Variants in SUGCT observed in about 807,000 individuals in gnomAD.
The protein encoded by SUGCT is succinyl-CoA:glutarate-CoA transferase, also known as succinyl-CoA:glutarate CoA-transferase.
In SUGCT, 41 loss-of-function variants were observed where a neutral mutation model predicts 55.0. The ratio of observed to expected loss-of-function variants is 0.74; its 90% CI spans 0.58 to 0.97. The LOEUF (loss-of-function observed/expected upper bound fraction) is 0.97, where lower values mean the gene tolerates loss of function less well. Ranked by LOEUF, SUGCT falls within the 50% of genes least tolerant of loss-of-function variation. The pLI, the probability that SUGCT is intolerant of heterozygous loss-of-function variation, is 0.00. For missense variants in SUGCT, 568 were observed against 547.8 expected, an observed-to-expected ratio of 1.04 and a Z score of -0.37; for synonymous variants, 187 against 200.4, an observed-to-expected ratio of 0.93 and a Z score of 0.56.
chr7:40,654,262 A>AG (rs1491518131), intron 12 of SUGCT, among the ~76,000 whole-genome samples: 1 of 151,604 alleles, frequency 6.6e-6, no homozygotes, highest in African/African-American at 2.4e-5. Flanking sequence ...AGAAGAGCTC[A>AG]GGGGAAAAAA....
intron 12 of SUGCT, among the ~76,000 whole-genome samples, chr7:40,646,093 C>T (rs1800493474): frequency 6.6e-6 from 1 of 152,172 alleles, no homozygotes; most frequent in South Asian, 2.1e-4. Flanking sequence ...TGAATGACCC[C>T]ACCAGCCAGC....
chr7:40,272,540 T>C (rs1792140194), intron 7 of SUGCT, among the ~76,000 whole-genome samples: 1 of 151,734 alleles, frequency 6.6e-6, no homozygotes, highest in South Asian at 2.1e-4. Context: ...TCCGCTGTTG[T>C]CAATAGTGCT....
At chr7:40,867,016 T>C in the SUGCT span, among the ~76,000 whole-genome samples, 10 of 151,820 alleles carry the variant, frequency 6.6e-5, no homozygotes, top group Non-Finnish European at 1.0e-4. Flanking sequence ...TAGGCCCAGA[T>C]GGGGGGAGAA....
chr7:40,551,447 C>G (rs1424085435), intron 12 of SUGCT, among the ~76,000 whole-genome samples: 1 of 152,190 alleles, frequency 6.6e-6, no homozygotes, highest in African/African-American at 2.4e-5. Flanking sequence ...TTTAAGCTGT[C>G]TTTCAAAGTT....
At chr7:40,564,668 A>T (rs1366344585) in intron 12 of SUGCT, among the ~76,000 whole-genome samples, 2 of 152,314 alleles carry the variant, frequency 1.3e-5, no homozygotes, top group East Asian at 3.9e-4. Context: ...TAACCTAGAA[A>T]GGGCTGAATA....
At chr7:40,534,617 G>C (rs112061697) in intron 12 of SUGCT, among the ~76,000 whole-genome samples, 1 of 152,026 alleles carries the variant, frequency 6.6e-6, no homozygotes, top group African/African-American at 2.4e-5. Context: ...CGGGGTTTCG[G>C]CATGTTGGCC....
the SUGCT span, among the ~76,000 whole-genome samples, chr7:40,885,014 A>T: frequency 6.6e-6 from 1 of 152,148 alleles, no homozygotes; most frequent in African/African-American, 2.4e-5. Context: ...ATTATTAAAG[A>T]TAATAATTCC....
intron 11 of SUGCT, among the ~76,000 whole-genome samples, chr7:40,476,411 C>T (rs982883515): frequency 2.0e-5 from 3 of 151,664 alleles, no homozygotes; most frequent in African/African-American, 7.3e-5. Flanking sequence ...ATTTGGAAAC[C>T]GTTGAGGAAA....
chr7:40,308,939 G>A (rs943141518), intron 8 of SUGCT, among the ~76,000 whole-genome samples: 1 of 152,176 alleles, frequency 6.6e-6, no homozygotes, highest in African/African-American at 2.4e-5. Context: ...GAACTTGGTA[G>A]GTGGAGGTTG....
At chr7:40,843,074 A>G (rs1002186181) in intron 13 of SUGCT, among the ~76,000 whole-genome samples, 4 of 152,246 alleles carry the variant, frequency 2.6e-5, no homozygotes, top group Admixed American at 2.6e-4. Flanking sequence ...AAATACAAAG[A>G]TCTCTACCAT....
At chr7:40,531,504 C>T (rs185148749) in intron 12 of SUGCT, among the ~76,000 whole-genome samples, 1 of 151,576 alleles carries the variant, frequency 6.6e-6, no homozygotes, top group Admixed American at 6.6e-5. Context: ...GTTGGAATTG[C>T]CTAATAGTAG....
intron 9 of SUGCT, among the ~76,000 whole-genome samples, chr7:40,402,697 A>G (rs541448277): frequency 6.6e-6 from 1 of 152,088 alleles, no homozygotes; most frequent in African/African-American, 2.4e-5. Context: ...AATAAGAGCT[A>G]TATTAAATGG....
the SUGCT span, among the ~76,000 whole-genome samples, chr7:41,027,193 G>T: frequency 7.2e-4 from 110 of 152,294 alleles, no homozygotes; most frequent in Non-Finnish European, 1.4e-3. Context: ...GGCCTTAATG[G>T]CTGGTCCTCT....
At chr7:40,798,429 T>C (rs999974818) in intron 13 of SUGCT, among the ~76,000 whole-genome samples, 10 of 152,194 alleles carry the variant, frequency 6.6e-5, no homozygotes, top group Non-Finnish European at 1.3e-4. Context: ...AGGGAAAATA[T>C]GTGTTTTGAA....
chr7:40,207,096 G>A (rs1448186534), intron 6 of SUGCT, among the ~76,000 whole-genome samples: 1 of 152,098 alleles, frequency 6.6e-6, no homozygotes, highest in Admixed American at 6.6e-5. Context: ...CTCCTTGGGA[G>A]GCTGACATAG....
intron 9 of SUGCT, among the ~76,000 whole-genome samples, chr7:40,381,975 G>A (rs1332981554): frequency 2.0e-5 from 3 of 151,852 alleles, no homozygotes; most frequent in Non-Finnish European, 4.4e-5. Flanking sequence ...CACAGATCTG[G>A]AGTAAATGTG....
intron 12 of SUGCT, among the ~76,000 whole-genome samples, chr7:40,690,080 C>T (rs148256799): frequency 2.7e-3 from 413 of 152,222 alleles, no homozygotes; most frequent in Non-Finnish European, 4.5e-3. Context: ...TGGATTTGTT[C>T]TCTTTGCATT....
intron 12 of SUGCT, among the ~76,000 whole-genome samples, chr7:40,743,927 A>C (rs532363769): frequency 4.0e-5 from 6 of 151,622 alleles, no homozygotes; most frequent in Non-Finnish European, 8.8e-5. Context: ...AAATTTTTTG[A>C]ATATATATTT....
the SUGCT span, among the ~76,000 whole-genome samples, chr7:40,868,222 A>G: frequency 6.6e-6 from 1 of 152,186 alleles, no homozygotes; most frequent in Admixed American, 6.5e-5. Context: ...AATACGGGAT[A>G]CATGTGCAGA....
Sources: allele counts gnomAD v4.1 joint callset (sites outside exome capture counted in the v4.1 genomes callset), GRCh38; gene constraint gnomAD v4.1.1; transcripts MANE v1.5; gene names NCBI Gene and HGNC (gene_info 2026-07-23, HGNC 2026-07-21).